The following SPSB1 variants were observed in gnomAD, a reference collection of about 807,000 sequenced individuals.
The protein encoded by SPSB1 is splA/ryanodine receptor domain and SOCS box containing 1.
Under a neutral mutation model 21.2 loss-of-function variants are expected in SPSB1, and 8 were observed. That is an observed-to-expected ratio of 0.38 (90% confidence interval 0.22 to 0.68). The LOEUF is 0.68. Ranked by LOEUF, SPSB1 falls within the 30% of genes least tolerant of loss-of-function variation. The pLI is 0.53. For synonymous variants in SPSB1, 169 were observed against 161.7 expected, an observed-to-expected ratio of 1.05 and a Z score of -0.34; for missense variants, 242 against 377.8, an observed-to-expected ratio of 0.64 and a Z score of 2.98.
rs545509289 is a variant in SPSB1, at chr1:9,305,666, G to A, written c.-150+12595G>A. On this transcript the variant is annotated intron_variant, in intron 1 of 2. Transcript: ENST00000328089. This position sits in a 1 kb window ranked among gnomAD's most constrained non-coding sequence, Gnocchi z 4.8. ...CAGACCAGACTTCCTTCCATGCCCC[G>A]TGGGAGGTCAGGAACTCCGAACAAG... Among the ~76,000 whole-genome samples, 1 of 152,170 alleles carries A rather than the reference G, an allele frequency of 6.6e-6. No homozygotes were observed. Among genetic ancestry groups the A allele is most frequent in the Admixed American group, 6.5e-5 (1 of 15,286 alleles).
At chr1:9,294,218 GTCTTTGCGTGTGTGTGTCTTTGTGTC>G (rs2100454061) in intron 1 of SPSB1, among the ~76,000 whole-genome samples, 1 of 151,942 alleles carries the variant, frequency 6.6e-6, no homozygotes, top group African/African-American at 2.4e-5. Context: ...GTCTGTGTGT[GTCTTTGCGTGTGTGTGTCTTTGTGTC>G]TCTTTGTGTG....
At chr1:9,319,505 T>G (rs987416898) in intron 1 of SPSB1, among the ~76,000 whole-genome samples, 3 of 152,114 alleles carry the variant, frequency 2.0e-5, no homozygotes, top group Non-Finnish European at 2.9e-5. Flanking sequence ...CCCCATGCCT[T>G]CCTTGTGGGA....
At chr1:9,344,558 C>T (rs1640140625) in intron 1 of SPSB1, among the ~76,000 whole-genome samples, 1 of 152,160 alleles carries the variant, frequency 6.6e-6, no homozygotes, top group Non-Finnish European at 1.5e-5. Flanking sequence ...CCCTGATAGC[C>T]TCAGGTGTTG....
intron 1 of SPSB1, among the ~76,000 whole-genome samples, chr1:9,298,386 GTGAA>G (rs994342766): frequency 1.6e-5 from 1 of 61,478 alleles, no homozygotes; most frequent in African/African-American, 5.5e-5. Context: ...GAATGAATGA[GTGAA>G]TGAATGAATG....
chr1:9,294,269 T>G (rs117359473), intron 1 of SPSB1, among the ~76,000 whole-genome samples: 1 of 151,008 alleles, frequency 6.6e-6, no homozygotes, highest in Non-Finnish European at 1.5e-5. Flanking sequence ...CACGTGTCTC[T>G]GTGTCTGTCT....
intron 2 of SPSB1, among the ~76,000 whole-genome samples, chr1:9,364,887 G>A (rs754456118): frequency 9.9e-5 from 15 of 151,896 alleles, no homozygotes; most frequent in African/African-American, 2.4e-4. Flanking sequence ...GTCTTGCTCC[G>A]TCACCCCAGG....
intron 1 of SPSB1, among the ~76,000 whole-genome samples, chr1:9,355,397 G>A (rs1240146859): frequency 6.6e-6 from 1 of 152,230 alleles, no homozygotes; most frequent in African/African-American, 2.4e-5. Flanking sequence ...GCTGAGTCCT[G>A]GTTCTGTGGC....
Position 9,293,168 on chromosome 1 carries a change from G to C in SPSB1, c.-150+97G>C. ...GGGCGAGGGCGGACGCGGGGATCGC[G>C]CCGCTGGGGGACCGAGTGGGTGGCG... On this transcript the variant is annotated intron_variant, in intron 1 of 2. Coordinates refer to ENST00000328089, the MANE Select transcript of SPSB1 (RefSeq NM_025106.4). This position sits in a 1 kb window ranked among gnomAD's most constrained non-coding sequence, Gnocchi z 5.1. 2 of 968,448 alleles carry C rather than the reference G, an allele frequency of 2.1e-6. No individual in the cohort carries two copies. Among genetic ancestry groups the C allele is most frequent in the Non-Finnish European group, 2.5e-6 (2 of 816,054 alleles). The allele number at this position is 968,448 out of a possible 1,614,324, so 60.0% of individuals were successfully genotyped here.
At chr1:9,300,759 T>C (rs1460096021) in intron 1 of SPSB1, among the ~76,000 whole-genome samples, 1 of 152,124 alleles carries the variant, frequency 6.6e-6, no homozygotes, top group Admixed American at 6.5e-5. Context: ...TCTGAGCAGG[T>C]CCTGAAGGCA....
intron 1 of SPSB1, among the ~76,000 whole-genome samples, chr1:9,296,219 A>G (rs1172375149): frequency 1.3e-5 from 2 of 152,130 alleles, no homozygotes; most frequent in African/African-American, 4.8e-5. Context: ...TGAGTCCTTG[A>G]CGCATTGACT....
intron 1 of SPSB1, among the ~76,000 whole-genome samples, chr1:9,323,113 G>A (rs927412670): frequency 3.3e-5 from 5 of 152,240 alleles, no homozygotes; most frequent in Admixed American, 6.5e-5. Flanking sequence ...GGACTTTGCG[G>A]CCTCTGCAGC....
chr1:9,309,688 T>A (rs1255767994), intron 1 of SPSB1, among the ~76,000 whole-genome samples: 1 of 151,942 alleles, frequency 6.6e-6, no homozygotes, highest in Admixed American at 6.6e-5. Flanking sequence ...ACTAAAAATA[T>A]AAAAATTAGT....
rs1553128958 is a variant in SPSB1, at chr1:9,361,156, C to CCTTTTTTTT, written c.694+4571_694+4572insCTTTTTTTT. 1.7e-4 allele frequency among the ~76,000 whole-genome samples: 17 copies of CCTTTTTTTT among 102,574 alleles called. 2 individuals carry two copies. Among genetic ancestry groups the CCTTTTTTTT allele is most frequent in the East Asian group, 5.8e-4 (2 of 3,436 alleles). The allele number at this position is 102,574 out of a possible 152,430, so 67.3% of individuals were successfully genotyped here. ...CAGGCATGGCTGGATCTGTCATTTTCTTTTTTTTTTTTTTTTTTTTTTTTT... is the reference window on the plus strand; with the variant it reads ...CAGGCATGGCTGGATCTGTCATTTTCCTTTTTTTTTTTTTTTTTTTTTTTTTTTTTTTTT... On this transcript the variant is annotated intron_variant, in intron 2 of 2. Transcript: ENST00000328089.
At chr1:9,362,468 T>C (rs921152783) in intron 2 of SPSB1, among the ~76,000 whole-genome samples, 10 of 152,196 alleles carry the variant, frequency 6.6e-5, no homozygotes, top group Non-Finnish European at 1.2e-4. Flanking sequence ...ACCCGTGACA[T>C]TCTAGAATCC....
intron 1 of SPSB1, among the ~76,000 whole-genome samples, chr1:9,318,164 A>C (rs1356263029): frequency 2.0e-5 from 3 of 152,202 alleles, no homozygotes; most frequent in Admixed American, 2.0e-4. Context: ...CTGGGCTGAC[A>C]GCAGGCAGTG....
At chr1:9,325,120 C>T (rs1305740941) in intron 1 of SPSB1, among the ~76,000 whole-genome samples, 1 of 152,184 alleles carries the variant, frequency 6.6e-6, no homozygotes, top group African/African-American at 2.4e-5. Context: ...TTGGATGAAG[C>T]TTCCTGTGCT....
At position 9,321,135 on chromosome 1, in the gene SPSB1, C is replaced by A. The variant is rs750733634; in HGVS notation, c.-150+28064C>A. 4.6e-5 allele frequency among the ~76,000 whole-genome samples: 7 copies of A among 151,484 alleles called. No individual in the cohort carries two copies. The highest frequency in any genetic ancestry group is 1.0e-4 in the Non-Finnish European group (7 of 67,880). ...CCCTCCCCCGAAAAGAAAACAACAACCAAAAAATCCCCCCAAAACACAAAG... is the reference window on the plus strand; with the variant it reads ...CCCTCCCCCGAAAAGAAAACAACAAACAAAAAATCCCCCCAAAACACAAAG... On this transcript the variant is annotated intron_variant, in intron 1 of 2. Coordinates refer to ENST00000328089, the MANE Select transcript of SPSB1 (RefSeq NM_025106.4). This position sits in a 1 kb window ranked among gnomAD's most constrained non-coding sequence, Gnocchi z 4.8.
At chr1:9,313,449 G>T (rs1274725988) in intron 1 of SPSB1, among the ~76,000 whole-genome samples, 1 of 152,188 alleles carries the variant, frequency 6.6e-6, no homozygotes, top group Admixed American at 6.5e-5. Context: ...CTTGCCCAGG[G>T]CTGCACAGCC....
chr1:9,320,816 C>T (rs1367056164), intron 1 of SPSB1, among the ~76,000 whole-genome samples: 2 of 152,096 alleles, frequency 1.3e-5, no homozygotes, highest in South Asian at 2.1e-4. Context: ...AAATTTATGT[C>T]ACTGGTGGTT....
Sources: allele counts gnomAD v4.1 joint callset (sites outside exome capture counted in the v4.1 genomes callset), GRCh38; gene constraint gnomAD v4.1.1; non-coding constraint Gnocchi (gnomAD v3.1); transcripts MANE v1.5; gene names NCBI Gene and HGNC (gene_info 2026-07-23, HGNC 2026-07-21).